Variants in PCDHGA12 observed in about 807,000 individuals in gnomAD.
PCDHGA12 encodes the protein protocadherin gamma-A12.
PCDHGA12 carries 43 observed loss-of-function variants against 61.1 expected under a neutral mutation model. That is an observed-to-expected ratio of 0.70 (90% CI 0.55 to 0.91). The LOEUF is 0.91. Ranked by LOEUF, PCDHGA12 falls within the 40% of genes least tolerant of loss-of-function variation. The pLI is 0.00. For synonymous variants in PCDHGA12, 520 were observed against 542.9 expected, an observed-to-expected ratio of 0.96 and a Z score of 0.59; for missense variants, 1,236 against 1,227.7, an observed-to-expected ratio of 1.01 and a Z score of -0.10.
rs61612330 is a variant in PCDHGA12, at chr5:141,454,796, A to ATTTTTTTTTTTTTTTTTTTTTTTTTT, written c.2424+21617_2424+21642dup. Among the ~76,000 whole-genome samples, 3 of 77,456 alleles carry ATTTTTTTTTTTTTTTTTTTTTTTTTT rather than the reference A, an allele frequency of 3.9e-5. 1 individual carries two copies. The highest frequency in any genetic ancestry group is 1.2e-4 in the African/African-American group (2 of 16,882). 50.8% of individuals were successfully genotyped at this position (77,456 alleles called of 152,430 possible). A position where few individuals can be genotyped will look rare whatever the true frequency, so the allele number is the denominator to read the frequency against. On this transcript the variant is annotated intron_variant, in intron 1 of 3. Transcript: ENST00000252085. Reference sequence around the variant, plus strand: ...AAGGAAATAATCCTCCATGGTTCTAATTTTTTTTTTTTTTTTTTTTTTTTT... The same window carrying ATTTTTTTTTTTTTTTTTTTTTTTTTT: ...AAGGAAATAATCCTCCATGGTTCTAATTTTTTTTTTTTTTTTTTTTTTTTTTTTTTTTTTTTTTTTTTTTTTTTTTT...
At chr5:141,455,411 G>T (rs1292246147) in intron 1 of PCDHGA12, among the ~76,000 whole-genome samples, 1 of 152,096 alleles carries the variant, frequency 6.6e-6, no homozygotes, top group Non-Finnish European at 1.5e-5. Context: ...AGAGACAGAG[G>T]GAGCGGGGCT....
intron 1 of PCDHGA12, chr5:141,471,252 T>A (rs1003162914): frequency 6.6e-6 from 1 of 151,872 alleles, no homozygotes; most frequent in Admixed American, 6.6e-5. Flanking sequence ...GGTTTCACCA[T>A]GTTGGCAAGG....
intron 3 of PCDHGA12, among the ~76,000 whole-genome samples, chr5:141,509,044 C>G (rs1385744160): frequency 1.3e-5 from 2 of 152,130 alleles, no homozygotes. Flanking sequence ...CCCTCTCCCC[C>G]GCCCCCAGAA....
chr5:141,500,051 C>A (rs991931153), intron 2 of PCDHGA12, among the ~76,000 whole-genome samples: 1 of 151,988 alleles, frequency 6.6e-6, no homozygotes, highest in Non-Finnish European at 1.5e-5. Context: ...TATCTTAATG[C>A]TCTTTTAATG....
rs199952854 is a variant in PCDHGA12 at position 141,477,297 on chromosome 5, G to T, written c.2425-17510G>T. 4 of 1,614,176 alleles carry T rather than the reference G, an allele frequency of 2.5e-6. No individual in the cohort carries two copies. Among genetic ancestry groups the T allele is most frequent in the Non-Finnish European group, 3.4e-6 (4 of 1,180,040 alleles). On this transcript the variant is annotated intron_variant, in intron 1 of 3. Coordinates refer to ENST00000252085, the MANE Select transcript of PCDHGA12 (RefSeq NM_003735.3). The surrounding 1 kb of genome is among the most constrained non-coding windows in gnomAD (Gnocchi z 4.9). ...CTGGTGACCTGCGAAGTTCCACCGGGTCTCCCTTTCAGCCTTACTTCTTCC... is the reference window on the plus strand; with the variant it reads ...CTGGTGACCTGCGAAGTTCCACCGGTTCTCCCTTTCAGCCTTACTTCTTCC...
chr5:141,476,733 G>C lies in PCDHGA12; in HGVS notation c.2425-18074G>C, dbSNP rs373439335. On this transcript the variant is annotated intron_variant, in intron 1 of 3. Transcript: ENST00000252085. This position sits in a 1 kb window ranked among gnomAD's most constrained non-coding sequence, Gnocchi z 7.6. ...TTGGAGCGCGCCCTGGACCGAGAAC[G>C]GGAGCCTAGTCTCCAGTTAGTGCTG... 6.2e-6 allele frequency: 10 copies of C among 1,614,062 alleles called. No individual in the cohort carries two copies. The highest frequency in any genetic ancestry group is 2.2e-5 in the East Asian group (1 of 44,870).
Position 141,449,530 on chromosome 5 carries a change from A to G in PCDHGA12, c.2424+16347A>G, listed in dbSNP as rs2098641850. On this transcript the variant is annotated intron_variant, in intron 1 of 3. Transcript: ENST00000252085. ...CTTGAACCTGGGAGGCGGAGGTTGC[A>G]GTGAGCCGAGATCGCACCACTGCAC... Among the ~76,000 whole-genome samples, 4 of 149,684 alleles carry G rather than the reference A, an allele frequency of 2.7e-5. No individual in the cohort carries two copies. The South Asian group carries it at 8.5e-4, about 32-fold the overall frequency.
chr5:141,485,961 A>G lies in PCDHGA12; in HGVS notation c.2425-8846A>G. Reference sequence around the variant, plus strand: ...GCACCAGCGGGCATGGTGCTCATCCAGCTCAATGCCTCAGACCCGGACCTG... The same window carrying G: ...GCACCAGCGGGCATGGTGCTCATCCGGCTCAATGCCTCAGACCCGGACCTG... On this transcript the variant is annotated intron_variant, in intron 1 of 3. Coordinates refer to ENST00000252085, the MANE Select transcript of PCDHGA12 (RefSeq NM_003735.3). This position sits in a 1 kb window ranked among gnomAD's most constrained non-coding sequence, Gnocchi z 5.7. 1 of 1,614,204 alleles carries G rather than the reference A, an allele frequency of 6.2e-7. No individual in the cohort carries two copies. Among genetic ancestry groups the G allele is most frequent in the Non-Finnish European group, 8.5e-7 (1 of 1,180,028 alleles).
Position 141,485,168 on chromosome 5 carries a change from G to A in PCDHGA12, c.2425-9639G>A. The A allele has an allele frequency of 6.2e-7, 1 of 1,608,668 alleles. No individual in the cohort carries two copies. Among genetic ancestry groups the A allele is most frequent in the Non-Finnish European group, 8.5e-7 (1 of 1,175,736 alleles). ...GGAGCAAGTAGAGAATTAGCGGGCG[G>A]CAGCAATGCTCCGCAAGGTGAGAAG... is the stretch of plus-strand genomic sequence containing the variant. On this transcript the variant is annotated intron_variant, in intron 1 of 3. Coordinates refer to ENST00000252085, the MANE Select transcript of PCDHGA12 (RefSeq NM_003735.3). This position sits in a 1 kb window ranked among gnomAD's most constrained non-coding sequence, Gnocchi z 5.7.
rs2097438776 is a variant in PCDHGA12 at position 141,432,018 on chromosome 5, T to C, written c.1259T>C (p.Ile420Thr). ...LDREQVPSYN[I>T]TVTATDRGTP... is the part of the protein sequence containing the mutation. Reference sequence around the variant, plus strand: ...AGGGAACAGGTTCCTAGCTACAACATCACAGTGACCGCCACTGACCGGGGA... The same window carrying C: ...AGGGAACAGGTTCCTAGCTACAACACCACAGTGACCGCCACTGACCGGGGA... The change falls in exon 1 of 4, where the codon ATC becomes ACC. Residue 420 changes from isoleucine to threonine, a missense_variant. Physicochemically the swap from Ile to Thr is moderately conservative, Grantham distance 89 (BLOSUM62 -1). Transcript: ENST00000252085. This position sits in a 1 kb window ranked among gnomAD's most constrained non-coding sequence, Gnocchi z 6.0. 1.9e-6 allele frequency: 3 copies of C among 1,614,048 alleles called. No homozygotes were observed. In the South Asian group the frequency reaches 3.3e-5, roughly 18 times the overall value.
chr5:141,490,313 C>G lies in PCDHGA12; in HGVS notation c.2425-4494C>G. The G allele has an allele frequency of 6.2e-7, 1 of 1,614,222 alleles. No individual in the cohort carries two copies. The highest frequency in any genetic ancestry group is 8.5e-7 in the Non-Finnish European group (1 of 1,180,024). Reference sequence around the variant, plus strand: ...GTGCTATTGGCCTCTTTGGCCAACCCTGTCCTAGAGAGCACACCAGTGGGC... The same window carrying G: ...GTGCTATTGGCCTCTTTGGCCAACCGTGTCCTAGAGAGCACACCAGTGGGC... On this transcript the variant is annotated intron_variant, in intron 1 of 3. Transcript: ENST00000252085. The surrounding 1 kb of genome is among the most constrained non-coding windows in gnomAD (Gnocchi z 5.4).
At position 141,487,254 on chromosome 5, in the gene PCDHGA12, C is replaced by T. The variant is rs1341564301; in HGVS notation, c.2425-7553C>T. On this transcript the variant is annotated intron_variant, in intron 1 of 3. Coordinates refer to ENST00000252085, the MANE Select transcript of PCDHGA12 (RefSeq NM_003735.3). The surrounding 1 kb of genome is among the most constrained non-coding windows in gnomAD (Gnocchi z 5.0). Reference sequence around the variant, plus strand: ...GAATCTCGTCTAACCCTCTACTTGGCTGTGTCCCTAGTGGCAATTTGCTTT... The same window carrying T: ...GAATCTCGTCTAACCCTCTACTTGGTTGTGTCCCTAGTGGCAATTTGCTTT... The T allele has an allele frequency of 1.2e-6, 2 of 1,614,126 alleles. No homozygotes were observed. Among genetic ancestry groups the T allele is most frequent in the East Asian group, 4.5e-5 (2 of 44,860 alleles).
chr5:141,509,207 A>C (rs1263006059), intron 3 of PCDHGA12, among the ~76,000 whole-genome samples: 2 of 151,694 alleles, frequency 1.3e-5, no homozygotes, highest in Non-Finnish European at 2.9e-5. Context: ...CTGTCTCTCT[A>C]TTTCTCAATC....
chr5:141,482,500 G>T (rs1409735210), intron 1 of PCDHGA12, among the ~76,000 whole-genome samples: 1 of 133,788 alleles, frequency 7.5e-6, no homozygotes, highest in Non-Finnish European at 1.5e-5. Flanking sequence ...TATCATTCTG[G>T]TACCCAGAGT....
At chr5:141,509,275 G>A (rs185255724) in intron 3 of PCDHGA12, among the ~76,000 whole-genome samples, 1 of 152,096 alleles carries the variant, frequency 6.6e-6, no homozygotes, top group East Asian at 1.9e-4. Flanking sequence ...CTCGCTACCC[G>A]CTCCCAGGGT....
intron 1 of PCDHGA12, among the ~76,000 whole-genome samples, chr5:141,435,790 A>G (rs1336963117): frequency 2.0e-5 from 3 of 152,168 alleles, no homozygotes; most frequent in African/African-American, 7.2e-5. Flanking sequence ...GCAGGGAAAC[A>G]TAACGTCCCA....
intron 3 of PCDHGA12, among the ~76,000 whole-genome samples, chr5:141,510,624 A>C (rs2099881973): frequency 6.6e-6 from 1 of 152,164 alleles, no homozygotes; most frequent in African/African-American, 2.4e-5. Flanking sequence ...TAAAACCAGA[A>C]GAGGTGGTTA....
intron 1 of PCDHGA12, among the ~76,000 whole-genome samples, chr5:141,463,896 T>C (rs982611169): frequency 2.0e-5 from 3 of 152,192 alleles, no homozygotes; most frequent in African/African-American, 7.2e-5. Flanking sequence ...CCTTGCTTTT[T>C]GTACTAATAA....
Position 141,432,454 on chromosome 5 carries a change from C to T in PCDHGA12, c.1695C>T (p.Pro565=), listed in dbSNP as rs751733947. Residue 565 remains proline (P), a synonymous_variant, in exon 1 of 4, where the codon CCC becomes CCT. Coordinates refer to ENST00000252085, the MANE Select transcript of PCDHGA12 (RefSeq NM_003735.3). The surrounding 1 kb of genome is among the most constrained non-coding windows in gnomAD (Gnocchi z 6.0). ...ACAATGCGCCCGAGATCCTGTACCC[C>T]GCCCTCCCCACGGACGGTTCCACTG... ...QNDNAPEILY[P]ALPTDGSTGV... 134 of 1,614,108 alleles carry T rather than the reference C, an allele frequency of 8.3e-5. No homozygotes were observed. The highest frequency in any genetic ancestry group is 1.1e-4 in the Non-Finnish European group (133 of 1,180,058).
Sources: allele counts gnomAD v4.1 joint callset (sites outside exome capture counted in the v4.1 genomes callset), GRCh38; gene constraint gnomAD v4.1.1; non-coding constraint Gnocchi (gnomAD v3.1); transcripts MANE v1.5; gene names NCBI Gene and HGNC (gene_info 2026-07-23, HGNC 2026-07-21).